CMIP: variants seen among roughly 807,000 people sequenced by gnomAD.
CMIP encodes the protein c-Maf inducing protein, also known as C-Maf-inducing protein.
CMIP carries 13 observed loss-of-function variants against 97.3 expected under a neutral mutation model. The observed-to-expected ratio is 0.13, with a 90% CI of 0.09 to 0.21. CMIP has a LOEUF of 0.21. Among genes scored for constraint, CMIP ranks in the 10% least tolerant of loss-of-function variants. The pLI, the probability that CMIP is intolerant of heterozygous loss-of-function variation, is 1.00. For synonymous variants in CMIP, 538 were observed against 436.3 expected (o/e 1.23, Z -2.91); for missense variants, 847 against 1,024.9 (o/e 0.83, Z 2.37).
chr16:81,524,839 G>T (rs1249068894), intron 1 of CMIP, among the ~76,000 whole-genome samples: 3 of 151,280 alleles, frequency 2.0e-5, no homozygotes, highest in Admixed American at 6.6e-5. Flanking sequence ...CTCTGCCCAG[G>T]CTGGAGTGCA....
At chr16:81,566,120 C>T (rs1424785138) in intron 1 of CMIP, among the ~76,000 whole-genome samples, 5 of 152,340 alleles carry the variant, frequency 3.3e-5, no homozygotes, top group East Asian at 1.9e-4. Flanking sequence ...CACTCTGTCT[C>T]GGACAGTCCA....
At chr16:81,495,188 C>T (rs2089466870) in intron 1 of CMIP, among the ~76,000 whole-genome samples, 1 of 152,206 alleles carries the variant, frequency 6.6e-6, no homozygotes, top group African/African-American at 2.4e-5. Flanking sequence ...TGTTAGCTCT[C>T]ACCATCATCA....
At chr16:81,643,513 G>A (rs2092330161) in intron 3 of CMIP, among the ~76,000 whole-genome samples, 1 of 152,168 alleles carries the variant, frequency 6.6e-6, no homozygotes, top group Admixed American at 6.5e-5. Flanking sequence ...ATGGTGGCCG[G>A]GCGCAGTGGC....
intron 1 of CMIP, among the ~76,000 whole-genome samples, chr16:81,483,771 C>T (rs1194192634): frequency 6.6e-6 from 1 of 152,206 alleles, no homozygotes; most frequent in East Asian, 1.9e-4. Context: ...ATGGCTTTTG[C>T]TATTTATATA....
intron 13 of CMIP, 29 bp downstream of exon 13, chr16:81,693,516 C>G: frequency 6.2e-7 from 1 of 1,603,078 alleles, no homozygotes; most frequent in Non-Finnish European, 8.5e-7. Flanking sequence ...CATCTCAGGC[C>G]GGCTGTCTGG....
intron 1 of CMIP, among the ~76,000 whole-genome samples, chr16:81,556,989 C>T (rs2090776947): frequency 6.6e-6 from 1 of 152,182 alleles, no homozygotes; most frequent in Non-Finnish European, 1.5e-5. Context: ...GAAAAGGACA[C>T]TTGGGAAAAA....
At chr16:81,463,488 T>A (rs1907013298) in intron 1 of CMIP, among the ~76,000 whole-genome samples, 1 of 152,210 alleles carries the variant, frequency 6.6e-6, no homozygotes, top group Admixed American at 6.5e-5. Context: ...CGGTTGTGGT[T>A]TTTATTCTCA....
intron 1 of CMIP, among the ~76,000 whole-genome samples, chr16:81,482,605 T>C (rs1240630780): frequency 6.6e-6 from 1 of 152,166 alleles, no homozygotes; most frequent in Admixed American, 6.5e-5. Context: ...ACGGTGTGTG[T>C]TGGGGAAGCC....
chr16:81,572,571 G>T (rs912078026), intron 1 of CMIP, among the ~76,000 whole-genome samples: 5 of 152,222 alleles, frequency 3.3e-5, no homozygotes, highest in African/African-American at 9.6e-5. Flanking sequence ...GTTAGGCCTT[G>T]CCACCCTTAT....
intron 1 of CMIP, among the ~76,000 whole-genome samples, chr16:81,605,536 C>T (rs1597138722): frequency 6.6e-6 from 1 of 152,316 alleles, no homozygotes; most frequent in African/African-American, 2.4e-5. Flanking sequence ...CCCTGAGCCC[C>T]TAGGTGGACC....
intron 10 of CMIP, 118 bp downstream of exon 10, chr16:81,678,746 C>T: frequency 3.3e-6 from 2 of 607,262 alleles, no homozygotes; most frequent in East Asian, 2.8e-5. Context: ...GGTAGAGTGG[C>T]TTGTGTGTGA....
intron 9 of CMIP, among the ~76,000 whole-genome samples, chr16:81,675,400 G>A (rs940456102): frequency 8.2e-5 from 11 of 133,948 alleles, no homozygotes; most frequent in Admixed American, 4.9e-4. Flanking sequence ...TGTATTTTTA[G>A]TAGAGATGGG....
intron 1 of CMIP, among the ~76,000 whole-genome samples, chr16:81,478,469 A>C (rs921863658): frequency 6.6e-6 from 1 of 152,214 alleles, no homozygotes; most frequent in Non-Finnish European, 1.5e-5. Flanking sequence ...AGCAAAGGTC[A>C]GATGGACATG....
chr16:81,522,635 TAAAC>T lies in CMIP; in HGVS notation c.300+77097_300+77100del, dbSNP rs148396872. On this transcript the variant is annotated intron_variant, in intron 1 of 20. Transcript: ENST00000537098. ...GATGCCTTCCAGGTTGGTTAACAAA[TAAAC>T]AAGCAAACAGGAAGCAAAAGCCACA... Among the ~76,000 whole-genome samples, 477 of 152,282 alleles carry T rather than the reference TAAAC, an allele frequency of 3.1e-3. 1 individual carries two copies. The highest frequency in any genetic ancestry group is 0.011 in the African/African-American group (452 of 41,556).
chr16:81,679,260 T>C (rs1041604052), intron 10 of CMIP, among the ~76,000 whole-genome samples: 20 of 151,936 alleles, frequency 1.3e-4, no homozygotes, highest in Non-Finnish European at 1.8e-4. Context: ...GGGATGTGTG[T>C]GTGTGTGTGT....
intron 1 of CMIP, among the ~76,000 whole-genome samples, chr16:81,476,918 G>A (rs55651404): frequency 6.6e-6 from 1 of 152,016 alleles, no homozygotes; most frequent in African/African-American, 2.4e-5. Flanking sequence ...TTTAGGAGAC[G>A]GTGAAGATGA....
In CMIP at chr16:81,610,517, A is replaced by T. The variant is rs1029656405; in HGVS notation, c.426+2825A>T. Reference sequence around the variant, plus strand: ...AGGGAGCAGCAGACACGGCCTCCCAACCCTTCCCCCAAGGGGAACCCAGGT... The same window carrying T: ...AGGGAGCAGCAGACACGGCCTCCCATCCCTTCCCCCAAGGGGAACCCAGGT... On this transcript the variant is annotated intron_variant, in intron 2 of 20. Coordinates refer to ENST00000537098, the MANE Select transcript of CMIP (RefSeq NM_198390.3). 5.1e-6 allele frequency: 5 copies of T among 985,338 alleles called. No homozygotes were observed. In the African/African-American group the frequency reaches 8.7e-5, roughly 17 times the overall value. The allele number at this position is 985,338 out of a possible 1,614,324, so 61.0% of individuals were successfully genotyped here. A position where few individuals can be genotyped will look rare whatever the true frequency, so the allele number is the denominator to read the frequency against.
intron 1 of CMIP, among the ~76,000 whole-genome samples, chr16:81,450,514 G>A (rs1276406573): frequency 6.6e-6 from 1 of 152,166 alleles, no homozygotes; most frequent in East Asian, 1.9e-4. Context: ...AGTATAGTCA[G>A]CATACAGTGA....
chr16:81,454,926 G>C lies in CMIP; in HGVS notation c.300+9385G>C, dbSNP rs370142252. The stretch of plus-strand genomic sequence containing the variant: ...CAGGTCGGAGGTGGGAATGAGCAGA[G>C]GGAACAGTGAGCAAAGGGACAGGCC... On this transcript the variant is annotated intron_variant, in intron 1 of 20. Transcript: ENST00000537098. 1.7e-4 allele frequency among the ~76,000 whole-genome samples: 26 copies of C among 152,326 alleles called. 1 individual carries two copies. The East Asian group carries it at 1.9e-3, about 11-fold the overall frequency.
Sources: gnomAD v4.1 joint callset for allele counts (sites outside exome capture counted in the v4.1 genomes callset) on GRCh38, gnomAD v4.1.1 for gene constraint, MANE v1.5 for transcripts, NCBI Gene and HGNC (gene_info 2026-07-23, HGNC 2026-07-21) for gene names.